STS: variants seen among roughly 807,000 people sequenced by gnomAD.
STS encodes steroid sulfatase.
Under a neutral mutation model 26.8 loss-of-function variants are expected in STS, and 7 were observed. The ratio of observed to expected loss-of-function variants is 0.26; its 90% confidence interval spans 0.15 to 0.49. The LOEUF is 0.49. Among genes scored for constraint, STS ranks in the 20% least tolerant of loss-of-function variants. The probability of loss-of-function intolerance (pLI) is 0.98; values close to 1 mark genes in which losing one functional copy is unlikely to be tolerated. For synonymous variants in STS, 199 were observed against 189.4 expected (o/e 1.05, Z -0.42); for missense variants, 434 against 465.6 (o/e 0.93, Z 0.63).
intron 2 of STS, among the ~76,000 whole-genome samples, chrX:7,236,145 G>C (rs1169603892): frequency 9.0e-6 from 1 of 111,465 alleles, no homozygotes; most frequent in African/African-American, 3.3e-5. Flanking sequence ...TGATAGTTAT[G>C]ATTTAAAGTT....
At chrX:7,346,341 A>AT (rs752227667) in intron 10 of STS, among the ~76,000 whole-genome samples, 1 of 110,698 alleles carries the variant, frequency 9.0e-6, no homozygotes, top group African/African-American at 3.3e-5. Context: ...GCTATATCAT[A>AT]TGTCATTGAT....
chrX:7,340,191 C>G (rs1361589500), intron 10 of STS, among the ~76,000 whole-genome samples: 1 of 110,716 alleles, frequency 9.0e-6, no homozygotes, highest in Admixed American at 9.7e-5. Flanking sequence ...CTTGCATTCT[C>G]CGTCCTACCG....
At chrX:7,278,229 A>G (rs1405227382) in intron 7 of STS, among the ~76,000 whole-genome samples, 1 of 112,588 alleles carries the variant, frequency 8.9e-6, no homozygotes, top group Non-Finnish European at 1.9e-5. Flanking sequence ...AATCCAATAC[A>G]TATGAGTGTT....
rs183370963 is a variant in STS at position 7,349,935 on chromosome X, G to A, written c.1411G>A (p.Val471Met). 2.4e-4 allele frequency: 291 copies of A among 1,209,951 alleles called. 2 individuals are homozygous for A. In the East Asian group the frequency reaches 7.3e-3, roughly 30 times the overall value. ...AFFFTPNFNP[V>M]GSNGCFATHV... is the part of the protein sequence containing the mutation. ...TTTCTTCACCCCCAACTTCAACCCC[G>A]TGGGTTCCAACGGATGCTTTGCCAC... The change falls in exon 11 of 11, where the codon GTG becomes ATG. Residue 471 changes from valine to methionine, a missense_variant. By Grantham distance (21) the Val-to-Met change is conservative. This residue lies in a region of STS where 205 missense variants were observed against 177.3 expected (regional missense o/e 1.16). Transcript: ENST00000674429.
At chrX:7,278,929 A>G (rs1403178806) in intron 7 of STS, among the ~76,000 whole-genome samples, 1 of 111,490 alleles carries the variant, frequency 9.0e-6, no homozygotes, top group Non-Finnish European at 1.9e-5. Flanking sequence ...TTGAATGTGC[A>G]TACACAAGAG....
At chrX:7,162,882 TAAAAAAAAAAAA>T (rs758518020) in intron 1 of STS, among the ~76,000 whole-genome samples, 1 of 49,769 alleles carries the variant, frequency 2.0e-5, no homozygotes, top group Non-Finnish European at 3.6e-5. Flanking sequence ...CCGTCTATAC[TAAAAAAAAAAAA>T]AAAAAAAAAA....
intron 1 of STS, among the ~76,000 whole-genome samples, chrX:7,173,841 T>C (rs1040981570): frequency 8.9e-6 from 1 of 112,215 alleles, no homozygotes. Context: ...AATATTGCTC[T>C]GAAATGGACT....
chrX:7,317,927 A>T (rs1308312509), intron 8 of STS, among the ~76,000 whole-genome samples: 1 of 111,796 alleles, frequency 8.9e-6, no homozygotes, highest in Non-Finnish European at 1.9e-5. Flanking sequence ...GTAGGGCGTA[A>T]TCTCCATTGT....
intron 2 of STS, among the ~76,000 whole-genome samples, chrX:7,237,794 A>G (rs1367416313): frequency 9.0e-6 from 1 of 111,330 alleles, no homozygotes; most frequent in Non-Finnish European, 1.9e-5. Context: ...CAAATAATAT[A>G]CATTCTACCC....
At chrX:7,324,703 G>C (rs753538724) in intron 8 of STS, among the ~76,000 whole-genome samples, 1 of 111,373 alleles carries the variant, frequency 9.0e-6, no homozygotes, top group Non-Finnish European at 1.9e-5. Context: ...CCAATCCCCT[G>C]TTTCCATCAT....
chrX:7,218,615 G>A (rs1220205782), intron 2 of STS, among the ~76,000 whole-genome samples: 9 of 112,213 alleles, frequency 8.0e-5, no homozygotes, highest in South Asian at 3.7e-4. Context: ...CAGATAGTGA[G>A]GGTGAGGGCT....
chrX:7,299,936 G>A (rs1244512617), intron 7 of STS, among the ~76,000 whole-genome samples: 1 of 111,487 alleles, frequency 9.0e-6, no homozygotes, highest in African/African-American at 3.3e-5. Context: ...CTAAGACCTC[G>A]AATTCTGCTT....
At chrX:7,161,193 C>T (rs1007099143) in intron 1 of STS, among the ~76,000 whole-genome samples, 23 of 109,987 alleles carry the variant, frequency 2.1e-4, no homozygotes, top group African/African-American at 7.6e-4. Flanking sequence ...TCTCGAACTC[C>T]TGACCTCAAG....
Position 7,325,473 on chromosome X carries a change from G to A in STS, c.1216G>A (p.Ala406Thr). The A allele has an allele frequency of 8.3e-7, 1 of 1,211,252 alleles. No homozygotes were observed. The highest frequency in any genetic ancestry group is 1.1e-6 in the Non-Finnish European group (1 of 895,329). Reference sequence around the variant, plus strand: ...CATATTTCCTACAGTAGCCAAGCTGGCTGGAGCTCCCTTGCCTGAGGACAG... The same window carrying A: ...CATATTTCCTACAGTAGCCAAGCTGACTGGAGCTCCCTTGCCTGAGGACAG... ...MDIFPTVAKL[A>T]GAPLPEDRII... The change falls in exon 9 of 11, where the codon GCT becomes ACT. Residue 406 changes from alanine to threonine, a missense_variant. Coordinates refer to ENST00000674429, the MANE Select transcript of STS (RefSeq NM_001320752.2).
At chrX:7,170,472 C>G (rs1195407706) in intron 1 of STS, among the ~76,000 whole-genome samples, 3 of 110,983 alleles carry the variant, frequency 2.7e-5, no homozygotes, top group African/African-American at 9.8e-5. Context: ...GGGTTTCACT[C>G]TGTCACCCAG....
At chrX:7,246,712 G>C (rs1449408365) in intron 2 of STS, among the ~76,000 whole-genome samples, 1 of 111,806 alleles carries the variant, frequency 8.9e-6, no homozygotes, top group Non-Finnish European at 1.9e-5. Flanking sequence ...ATGATGTTCA[G>C]GGGATGATAA....
At chrX:7,292,956 G>A (rs942735639) in intron 7 of STS, among the ~76,000 whole-genome samples, 10 of 111,622 alleles carry the variant, frequency 9.0e-5, no homozygotes, top group Non-Finnish European at 1.7e-4. Flanking sequence ...AACCAAAACA[G>A]CATGGTACTG....
intron 1 of STS, among the ~76,000 whole-genome samples, chrX:7,162,050 C>A (rs1198587193): frequency 1.8e-5 from 2 of 112,128 alleles, no homozygotes; most frequent in African/African-American, 3.2e-5. Flanking sequence ...TTGAGCATCC[C>A]TTAAAAGCTT....
chrX:7,318,509 A>T (rs186894016), intron 8 of STS, among the ~76,000 whole-genome samples: 3 of 111,130 alleles, frequency 2.7e-5, no homozygotes, highest in Non-Finnish European at 5.7e-5. Context: ...ATTTTAAAAC[A>T]TTTTTTTGCC....
Sources: allele counts gnomAD v4.1 joint callset (sites outside exome capture counted in the v4.1 genomes callset), GRCh38; gene constraint gnomAD v4.1.1; regional missense constraint gnomAD v4.1.1; transcripts MANE v1.5; gene names NCBI Gene and HGNC (gene_info 2026-07-23, HGNC 2026-07-21).